Variants in ANGPT4 observed in about 807,000 individuals in gnomAD.
ANGPT4 encodes angiopoietin 4.
Under a neutral mutation model 53.0 loss-of-function variants are expected in ANGPT4, and 50 were observed. That is an observed-to-expected ratio of 0.94 (90% CI 0.75 to 1.20). The LOEUF is 1.20. ANGPT4 is among the 50% of genes most tolerant of loss of function. The probability of loss-of-function intolerance (pLI) is 0.00; values close to 1 mark genes in which losing one functional copy is unlikely to be tolerated. For missense variants in ANGPT4, 648 were observed against 637.1 expected, an observed-to-expected ratio of 1.02 and a Z score of -0.18; for synonymous variants, 251 against 259.7, an observed-to-expected ratio of 0.97 and a Z score of 0.32.
At chr20:888,656 T>C (rs949566075) in intron 2 of ANGPT4, among the ~76,000 whole-genome samples, 5 of 152,132 alleles carry the variant, frequency 3.3e-5, no homozygotes, top group Admixed American at 1.3e-4. Flanking sequence ...GCAGCTCCAT[T>C]CTCCCTGATG....
chr20:893,064 T>C (rs190125653), intron 1 of ANGPT4, among the ~76,000 whole-genome samples: 1 of 152,354 alleles, frequency 6.6e-6, no homozygotes, highest in Non-Finnish European at 1.5e-5. Flanking sequence ...TCCTGGGTCC[T>C]TGTCTCTATG....
intron 1 of ANGPT4, among the ~76,000 whole-genome samples, chr20:906,866 G>C (rs1473871651): frequency 6.6e-6 from 1 of 152,256 alleles, no homozygotes; most frequent in African/African-American, 2.4e-5. Context: ...CTGAGAGCCA[G>C]GGGTAGAGAG....
chr20:885,047 A>T (rs919891447), intron 4 of ANGPT4, 31 bp downstream of exon 4: 45 of 1,612,312 alleles, frequency 2.8e-5, no homozygotes, highest in Non-Finnish European at 3.8e-5. Context: ...GCCCGTCTTT[A>T]GCCACACTGG....
Position 874,321 on chromosome 20 carries a change from G to A in ANGPT4, c.1314C>T (p.Asp438=). 1 of 1,614,202 alleles carries A rather than the reference G, an allele frequency of 6.2e-7. No homozygotes were observed. Among genetic ancestry groups the A allele is most frequent in the Non-Finnish European group, 8.5e-7 (1 of 1,180,028 alleles). ...TSFSTLDSDN[D]HCLCKCAQVM... is the part of the protein sequence containing the mutation. Reference sequence around the variant, plus strand: ...CTTGGGCACACTTGCAGAGACAGTGGTCGTTGTCTGAGTCAAGGGTGCTAA... The same window carrying A: ...CTTGGGCACACTTGCAGAGACAGTGATCGTTGTCTGAGTCAAGGGTGCTAA... Residue 438 remains aspartate (D), a synonymous_variant, in exon 8 of 9, where the codon GAC becomes GAT. Coordinates refer to ENST00000381922, the MANE Select transcript of ANGPT4 (RefSeq NM_015985.4).
In ANGPT4 at chr20:878,289, A is replaced by G; in HGVS notation, c.1092T>C (p.Asn364=). Residue 364 remains asparagine, a synonymous_variant, in exon 7 of 9, where the codon AAT becomes AAC. Coordinates refer to ENST00000381922, the MANE Select transcript of ANGPT4 (RefSeq NM_015985.4). ...GDPAGEHWLG[N]EVVHQLTRRA... ...TTCTGGTGAGCTGGTGCACCACTTC[A>G]TTGCCCAGCCAGTGCTCCCCAGCTG... 6.2e-7 allele frequency: 1 copy of G among 1,610,394 alleles called. No individual in the cohort carries two copies. The highest frequency in any genetic ancestry group is 1.3e-5 in the African/African-American group (1 of 75,018).
Position 873,014 on chromosome 20 carries a change from G to T in ANGPT4, c.1458C>A (p.Gly486=). 1 of 1,614,164 alleles carries T rather than the reference G, an allele frequency of 6.2e-7. No homozygotes were observed. The highest frequency in any genetic ancestry group is 8.5e-7 in the Non-Finnish European group (1 of 1,180,028). ...GAGAGGCACGCAGTGAGTAGCTGGG[G>T]CCCTTGAAGTAGTGCCAGCGGATGC... ...MDGIRWHYFK[G]PSYSLRASRM... Residue 486 remains glycine, a synonymous_variant, in exon 9 of 9, where the codon GGC becomes GGA. Coordinates refer to ENST00000381922, the MANE Select transcript of ANGPT4 (RefSeq NM_015985.4).
Position 881,162 on chromosome 20 carries a change from C to T in ANGPT4, c.951+9G>A. The T allele has an allele frequency of 6.4e-7, 1 of 1,558,994 alleles. No homozygotes were observed. The highest frequency in any genetic ancestry group is 8.7e-7 in the Non-Finnish European group (1 of 1,152,926). On this transcript the variant is annotated intron_variant, in intron 5 of 8. Transcript: ENST00000381922. The stretch of plus-strand genomic sequence containing the variant: ...TCTAACAGCCACAGTTCCCAGGGAG[C>T]CCCCTAACCTTCCTGGGCTTCGTTG...
chr20:899,544 C>T (rs527978720), intron 1 of ANGPT4, among the ~76,000 whole-genome samples: 18 of 152,188 alleles, frequency 1.2e-4, no homozygotes, highest in African/African-American at 3.9e-4. Context: ...TGAACCACCG[C>T]CCCCGGCCTG....
At chr20:878,072 G>A in intron 7 of ANGPT4, 89 bp downstream of exon 7, 1 of 1,391,866 alleles carries the variant, frequency 7.2e-7, no homozygotes, top group South Asian at 1.5e-5. Context: ...GACCGTTGGA[G>A]CAGACTCTGT....
In ANGPT4 at chr20:872,331, C is replaced by T. The variant is rs1600035531; in HGVS notation, c.*629G>A. The stretch of plus-strand genomic sequence containing the variant: ...AGACCCTGAGCTCCAAACATTGGAG[C>T]CTAGAAGTGGTGAAGTGGTAAAGCC... On this transcript the variant is annotated 3_prime_UTR_variant, in exon 9 of 9. Coordinates refer to ENST00000381922, the MANE Select transcript of ANGPT4 (RefSeq NM_015985.4). The T allele has an allele frequency of 6.6e-6, 1 of 152,026 alleles. No homozygotes were observed. Among genetic ancestry groups the T allele is most frequent in the East Asian group, 1.9e-4 (1 of 5,160 alleles). The allele number at this position is 152,026 out of a possible 1,614,324, so 9.4% of individuals were successfully genotyped here. A position where few individuals can be genotyped will look rare whatever the true frequency, so the allele number is the denominator to read the frequency against.
At chr20:912,716 CG>C (rs1467927055) in intron 1 of ANGPT4, among the ~76,000 whole-genome samples, 1 of 151,906 alleles carries the variant, frequency 6.6e-6, no homozygotes, top group Admixed American at 6.6e-5. Context: ...GAGGTGAGGC[CG>C]GGGCTCTCCC....
intron 2 of ANGPT4, 108 bp from the exon 3 acceptor site, chr20:888,547 C>T (rs1203997017): frequency 6.7e-7 from 1 of 1,485,426 alleles, no homozygotes; most frequent in African/African-American, 1.4e-5. Context: ...TTACCCATTT[C>T]CACTCTCCCA....
intron 1 of ANGPT4, among the ~76,000 whole-genome samples, chr20:893,470 T>C (rs1025159286): frequency 6.6e-6 from 1 of 152,222 alleles, no homozygotes; most frequent in Non-Finnish European, 1.5e-5. Flanking sequence ...GAAAGGATTA[T>C]TAAGCTTCAC....
chr20:899,923 G>A (rs1201552688), intron 1 of ANGPT4, among the ~76,000 whole-genome samples: 2 of 152,152 alleles, frequency 1.3e-5, no homozygotes, highest in East Asian at 1.9e-4. Context: ...CTTCAGTCAA[G>A]CCCTTTCTCA....
intron 7 of ANGPT4, among the ~76,000 whole-genome samples, chr20:877,796 GCCCAGGGACCCTTCCACCCAGC>G (rs1981224744): frequency 6.6e-6 from 1 of 152,206 alleles, no homozygotes; most frequent in Non-Finnish European, 1.5e-5. Context: ...TCAACTTCTG[GCCCAGGGACCCTTCCACCCAGC>G]CCCAGGGCAT....
At chr20:884,931 T>C (rs1342180182) in intron 4 of ANGPT4, 147 bp downstream of exon 4, 3 of 1,169,716 alleles carry the variant, frequency 2.6e-6, no homozygotes, top group Non-Finnish European at 3.5e-6. Context: ...TATTACTGTT[T>C]ATTGTTGTTT....
intron 2 of ANGPT4, 23 bp from the exon 3 acceptor site, chr20:888,462 G>A (rs372645466): frequency 1.5e-4 from 233 of 1,605,068 alleles, no homozygotes; most frequent in Non-Finnish European, 2.0e-4. Flanking sequence ...GCAGAAGCAG[G>A]TAGGGGGCTG....
chr20:912,515 C>T (rs1313009972), intron 1 of ANGPT4, among the ~76,000 whole-genome samples: 2 of 152,138 alleles, frequency 1.3e-5, no homozygotes, highest in Admixed American at 6.5e-5. Context: ...TCCATATGAG[C>T]GGGGTGGAGC....
intron 3 of ANGPT4, 80 bp downstream of exon 3, chr20:888,238 G>C (rs1408959059): frequency 2.8e-5 from 43 of 1,525,138 alleles, no homozygotes; most frequent in Middle Eastern, 2.2e-4. Flanking sequence ...CCTAGCCCTG[G>C]CTCTGGTGCC....
Sources: gnomAD v4.1 joint callset for allele counts (sites outside exome capture counted in the v4.1 genomes callset) on GRCh38, gnomAD v4.1.1 for gene constraint, MANE v1.5 for transcripts, NCBI Gene and HGNC (gene_info 2026-07-23, HGNC 2026-07-21) for gene names.